The following PITPNM2 variants were observed in gnomAD, a reference collection of about 807,000 sequenced individuals.
The protein encoded by PITPNM2 is phosphatidylinositol transfer protein membrane associated 2, also known as membrane-associated phosphatidylinositol transfer protein 2.
PITPNM2 carries 35 observed loss-of-function variants against 132.2 expected under a neutral mutation model. The observed-to-expected ratio is 0.26, with a 90% CI of 0.20 to 0.35. The LOEUF is 0.35. PITPNM2 is among the 10% of genes least tolerant of loss of function. The probability of loss-of-function intolerance (pLI) is 1.00; values close to 1 mark genes in which losing one functional copy is unlikely to be tolerated. For missense variants in PITPNM2, 1,332 were observed against 1,912.0 expected (o/e 0.70, Z 5.66); for synonymous variants, 738 against 799.2 (o/e 0.92, Z 1.29).
intron 1 of PITPNM2, among the ~76,000 whole-genome samples, chr12:123,144,090 G>A (rs1264526843): frequency 6.6e-6 from 1 of 152,208 alleles, no homozygotes; most frequent in African/African-American, 2.4e-5. Context: ...TGTGCAAATT[G>A]GCAAAAAATT....
intron 2 of PITPNM2, among the ~76,000 whole-genome samples, chr12:123,051,919 T>TG (rs2040868423): frequency 6.6e-6 from 1 of 151,550 alleles, no homozygotes; most frequent in Non-Finnish European, 1.5e-5. Context: ...CTTTTTTTTT[T>TG]TTTGAGACAG....
Position 123,001,057 on chromosome 12 carries a change from G to A in PITPNM2, c.1150C>T (p.Gln384Ter). Residue 384 changes from glutamine (Q) to a stop codon, truncating the protein, a stop_gained, in exon 9 of 26, where the codon CAA becomes TAA. Transcript: ENST00000320201. LOFTEE classifies it high-confidence loss of function. ...KIESPEPEDT[Q>*]DGLYRQGAPE... ...CAGCACCCCCAGACCTGCTGACCTT[G>A]TGTGTCTTCCGGCTCTGGGCTCTCG... 6.2e-7 allele frequency: 1 copy of A among 1,613,824 alleles called. No individual in the cohort carries two copies. The highest frequency in any genetic ancestry group is 8.5e-7 in the Non-Finnish European group (1 of 1,179,688).
intron 2 of PITPNM2, chr12:123,081,780 A>G (rs2041972161): frequency 6.6e-6 from 1 of 152,206 alleles, no homozygotes; most frequent in African/African-American, 2.4e-5. Flanking sequence ...GGTAGGCAAA[A>G]GTCTGTCTGC....
intron 2 of PITPNM2, among the ~76,000 whole-genome samples, chr12:123,068,265 A>G (rs1383278784): frequency 1.3e-5 from 2 of 152,122 alleles, no homozygotes; most frequent in East Asian, 1.9e-4. Flanking sequence ...CAGGAGATCG[A>G]GAACATCCTG....
chr12:123,101,977 G>A (rs1477336951), intron 2 of PITPNM2, among the ~76,000 whole-genome samples: 1 of 152,166 alleles, frequency 6.6e-6, no homozygotes, highest in Non-Finnish European at 1.5e-5. Context: ...TTGTACCACC[G>A]TACTCCAGCC....
chr12:123,151,102 C>G (rs2043735294), upstream of PITPNM2, among the ~76,000 whole-genome samples: 1 of 146,150 alleles, frequency 6.8e-6, no homozygotes, highest in African/African-American at 2.5e-5. Flanking sequence ...CCCGCGCGCG[C>G]CGGGCCGGGC....
At chr12:123,047,449 G>A (rs2040697889) in intron 2 of PITPNM2, among the ~76,000 whole-genome samples, 1 of 152,158 alleles carries the variant, frequency 6.6e-6, no homozygotes, top group African/African-American at 2.4e-5. Context: ...CCAAGGGAAA[G>A]ACCTGGGAAT....
At chr12:123,060,377 C>T (rs950320820) in intron 2 of PITPNM2, among the ~76,000 whole-genome samples, 1 of 152,168 alleles carries the variant, frequency 6.6e-6, no homozygotes, top group Non-Finnish European at 1.5e-5. Context: ...CCACCTCCAC[C>T]GGGAAATTCT....
At chr12:123,140,152 A>G (rs2137649034) in intron 1 of PITPNM2, among the ~76,000 whole-genome samples, 1 of 152,302 alleles carries the variant, frequency 6.6e-6, no homozygotes, top group Admixed American at 6.5e-5. Context: ...TGCTCTGAAC[A>G]TGCCCCCTTA....
intron 3 of PITPNM2, among the ~76,000 whole-genome samples, chr12:123,020,281 C>T (rs555578740): frequency 2.6e-5 from 4 of 151,936 alleles, no homozygotes; most frequent in Admixed American, 2.6e-4. Flanking sequence ...CCACCACACC[C>T]AGCTAATTTT....
Position 122,988,925 on chromosome 12 carries a change from C to T in PITPNM2, c.2732-53G>A, listed in dbSNP as rs1348109550. 10 of 1,479,300 alleles carry T rather than the reference C, an allele frequency of 6.8e-6. No homozygotes were observed. In the Admixed American group the frequency reaches 2.5e-4, roughly 38 times the overall value. 91.6% of individuals were successfully genotyped at this position (1,479,300 alleles called of 1,614,324 possible). On this transcript the variant is annotated intron_variant, in intron 18 of 25. Coordinates refer to ENST00000320201, the MANE Select transcript of PITPNM2 (RefSeq NM_020845.3). ...GGGCTGTATAGCCCCAGACAGGGAC[C>T]CCGAAGGGTCACCCGGCCCCTCTGG...
chr12:123,061,857 T>C (rs952812443), intron 2 of PITPNM2, among the ~76,000 whole-genome samples: 1 of 151,762 alleles, frequency 6.6e-6, no homozygotes, highest in African/African-American at 2.4e-5. Context: ...CTTCAGAGAG[T>C]TCTGGAGGAA....
chr12:123,004,552 G>A lies in PITPNM2; in HGVS notation c.953-63C>T, dbSNP rs1461512101. On this transcript the variant is annotated intron_variant, in intron 7 of 25. Transcript: ENST00000320201. This position sits in a 1 kb window ranked among gnomAD's most constrained non-coding sequence, Gnocchi z 4.9. Reference sequence around the variant, plus strand: ...AGGAAGGGCCCAGAGGCTGCCCTGAGCCGGCAGGAGGCAGGGAGGGCCACC... The same window carrying A: ...AGGAAGGGCCCAGAGGCTGCCCTGAACCGGCAGGAGGCAGGGAGGGCCACC... 1.3e-6 allele frequency: 2 copies of A among 1,544,118 alleles called. No homozygotes were observed. Among genetic ancestry groups the A allele is most frequent in the Non-Finnish European group, 1.8e-6 (2 of 1,120,682 alleles).
intron 5 of PITPNM2, 63 bp from the exon 6 acceptor site, chr12:123,010,140 C>T: frequency 1.5e-6 from 2 of 1,351,072 alleles, no homozygotes; most frequent in Non-Finnish European, 2.1e-6. Context: ...CACATCTCTC[C>T]ATGTTCCTCC....
intron 2 of PITPNM2, among the ~76,000 whole-genome samples, chr12:123,107,393 T>C (rs2042743051): frequency 6.6e-6 from 1 of 152,188 alleles, no homozygotes; most frequent in African/African-American, 2.4e-5. Context: ...CCCTCCTCTT[T>C]AAGGCAGACC....
chr12:122,986,558 G>T lies in PITPNM2; in HGVS notation c.3604C>A (p.Leu1202Met), dbSNP rs2136034124. 1 of 1,598,154 alleles carries T rather than the reference G, an allele frequency of 6.3e-7. No individual in the cohort carries two copies. Among genetic ancestry groups the T allele is most frequent in the East Asian group, 2.2e-5 (1 of 44,462 alleles). The stretch of plus-strand genomic sequence containing the variant: ...GAGCCATAGGCCGCGTGCACGCGCA[G>T]GTGCAGCTGTGGGGAGACTGGCATG... ...FLKLLISELH[L>M]RVHAAYGSTK... Residue 1202 changes from leucine (L) to methionine (M), a missense_variant, in exon 25 of 26, where the codon CTG (leucine) becomes ATG (methionine). Physicochemically the swap from Leu to Met is conservative, Grantham distance 15. Around this residue, in one of 6 missense-constraint regions of PITPNM2, gnomAD observed 251 missense variants for 472.0 expected, o/e 0.53. Transcript: ENST00000320201.
rs746556638 is a variant in PITPNM2 at position 122,994,968 on chromosome 12, C to T, written c.2066G>A (p.Ser689Asn). ...TGAGCAGGGCTCAGTCCTCAGCACG[C>T]TGGCATGGAGGCTGCAGACCCAAAT... is the stretch of plus-strand genomic sequence containing the variant. ...HQAFLSSLHA[S>N]VLRTEPCSRH... The change falls in exon 15 of 26, where the codon AGC becomes AAC. Residue 689 changes from serine (S) to asparagine (N), a missense_variant. By Grantham distance (46) the Ser-to-Asn change is conservative (BLOSUM62 1). Transcript: ENST00000320201. The surrounding 1 kb of genome is among the most constrained non-coding windows in gnomAD (Gnocchi z 5.4). 4.3e-5 allele frequency: 69 copies of T among 1,606,956 alleles called. No individual in the cohort carries two copies. Among genetic ancestry groups the T allele is most frequent in the Non-Finnish European group, 5.8e-5 (68 of 1,178,228 alleles).
intron 20 of PITPNM2, 144 bp from the exon 21 acceptor site, chr12:122,988,045 C>A: frequency 1.1e-6 from 1 of 939,376 alleles, no homozygotes; most frequent in Admixed American, 2.2e-5. Flanking sequence ...GACACGATGA[C>A]GTGGCTTTGG....
chr12:123,147,532 T>A (rs2043642478), intron 1 of PITPNM2, among the ~76,000 whole-genome samples: 1 of 152,058 alleles, frequency 6.6e-6, no homozygotes, highest in Non-Finnish European at 1.5e-5. Flanking sequence ...GATGACTTTA[T>A]AAAGAATATA....
Sources: gnomAD v4.1 joint callset for allele counts (sites outside exome capture counted in the v4.1 genomes callset) on GRCh38, gnomAD v4.1.1 for gene constraint, gnomAD v4.1.1 regional missense constraint, Gnocchi (gnomAD v3.1) non-coding constraint, MANE v1.5 for transcripts, NCBI Gene and HGNC (gene_info 2026-07-23, HGNC 2026-07-21) for gene names.